Variants in TNC observed in about 807,000 individuals in gnomAD.
The protein encoded by TNC is tenascin.
Under a neutral mutation model 202.4 loss-of-function variants are expected in TNC, and 109 were observed. The observed-to-expected ratio is 0.54, with a 90% confidence interval of 0.46 to 0.63. TNC has a LOEUF of 0.63. TNC is among the 30% of genes least tolerant of loss of function. The pLI is 0.00. For missense variants in TNC, 2,756 were observed against 2,833.3 expected, an observed-to-expected ratio of 0.97 and a Z score of 0.62; for synonymous variants, 1,007 against 1,089.7, an observed-to-expected ratio of 0.92 and a Z score of 1.50.
At chr9:115,084,507 A>G (rs2133393831) in intron 3 of TNC, 35 bp from the exon 4 acceptor site, 1 of 1,603,072 alleles carries the variant, frequency 6.2e-7, no homozygotes, top group South Asian at 1.1e-5. Context: ...TGGTGTCAAC[A>G]GTGTGTCCTC....
intron 17 of TNC, among the ~76,000 whole-genome samples, chr9:115,044,491 C>T (rs1047786939): frequency 5.3e-5 from 8 of 151,236 alleles, no homozygotes; most frequent in Non-Finnish European, 1.2e-4. Flanking sequence ...AAAGAGAGGG[C>T]TTTCCAAAAG....
intron 1 of TNC, among the ~76,000 whole-genome samples, chr9:115,111,733 G>T (rs1837087506): frequency 6.6e-6 from 1 of 152,026 alleles, no homozygotes; most frequent in Admixed American, 6.6e-5. Flanking sequence ...CATTGGCTTT[G>T]TTAATGTAAA....
At chr9:115,074,507 C>A (rs950945820) in intron 9 of TNC, among the ~76,000 whole-genome samples, 1 of 152,178 alleles carries the variant, frequency 6.6e-6, no homozygotes, top group Non-Finnish European at 1.5e-5. Context: ...AAATAAATTT[C>A]TTCTGTTTAT....
chr9:115,026,208 G>A (rs955121938), intron 26 of TNC, among the ~76,000 whole-genome samples: 4 of 152,144 alleles, frequency 2.6e-5, no homozygotes, highest in Non-Finnish European at 4.4e-5. Context: ...TGAATATTAA[G>A]GCCTTTGGGG....
chr9:115,049,590 AG>A (rs1281002945), intron 15 of TNC, among the ~76,000 whole-genome samples: 1 of 152,114 alleles, frequency 6.6e-6, no homozygotes, highest in East Asian at 1.9e-4. Flanking sequence ...CTGAGGGATA[AG>A]GAGGATTAGT....
chr9:115,027,679 T>C (rs1278569035), intron 25 of TNC, among the ~76,000 whole-genome samples: 2 of 152,196 alleles, frequency 1.3e-5, no homozygotes, highest in African/African-American at 2.4e-5. Flanking sequence ...TATTATAATA[T>C]GATAAACATT....
chr9:115,064,015 G>A lies in TNC; in HGVS notation c.3541C>T (p.Leu1181Phe). The A allele has an allele frequency of 6.2e-7, 1 of 1,613,796 alleles. No homozygotes were observed. Among genetic ancestry groups the A allele is most frequent in the Non-Finnish European group, 8.5e-7 (1 of 1,179,854 alleles). The change falls in exon 12 of 28, where the codon CTC becomes TTC. Residue 1181 changes from leucine to phenylalanine, a missense_variant. This residue lies in a region of TNC where 2,559 missense variants were observed against 2,546.0 expected (regional missense o/e 1.01). Coordinates refer to ENST00000350763, the MANE Select transcript of TNC (RefSeq NM_002160.4). The part of the protein sequence containing the change: ...VVVAEVGWDA[L>F]KLNWTAPEGA... ...TCTGGAGCAGTCCAGTTGAGTTTGA[G>A]GGCATCCCAGCCCACCTCGGCCACC... is the stretch of plus-strand genomic sequence containing the variant.
intron 15 of TNC, chr9:115,052,679 T>C: frequency 3.1e-6 from 2 of 642,880 alleles, no homozygotes; most frequent in Non-Finnish European, 5.7e-6. Flanking sequence ...GAATTTTCCT[T>C]TAAGATGACT....
At chr9:115,098,879 A>T (rs1413602326) in intron 1 of TNC, among the ~76,000 whole-genome samples, 1 of 151,394 alleles carries the variant, frequency 6.6e-6, no homozygotes, top group Non-Finnish European at 1.5e-5. Context: ...AACATCCATA[A>T]ATTCCTTTTT....
At chr9:115,087,439 C>A (rs143179489) in intron 2 of TNC, among the ~76,000 whole-genome samples, 166 bp from the exon 3 acceptor site, 177 of 152,044 alleles carry the variant, frequency 1.2e-3, no homozygotes, top group African/African-American at 4.1e-3. Flanking sequence ...ATGAGACTCA[C>A]ATCCTGTTAT....
chr9:115,104,596 C>T (rs751576106), intron 1 of TNC, among the ~76,000 whole-genome samples: 18 of 152,132 alleles, frequency 1.2e-4, no homozygotes, highest in Non-Finnish European at 2.5e-4. Flanking sequence ...AAAATCTCTC[C>T]AGGGTTGTTT....
chr9:115,024,891 C>T (rs1303318474), intron 26 of TNC, among the ~76,000 whole-genome samples: 1 of 152,148 alleles, frequency 6.6e-6, no homozygotes, highest in Non-Finnish European at 1.5e-5. Flanking sequence ...ACTCCCAATC[C>T]AGACAAGTGC....
At chr9:115,032,332 G>A (rs1057233890) in intron 22 of TNC, among the ~76,000 whole-genome samples, 1 of 152,284 alleles carries the variant, frequency 6.6e-6, no homozygotes, top group Middle Eastern at 3.4e-3. Flanking sequence ...GGAGTGAGGA[G>A]CCCTGTAAGG....
chr9:115,063,946 T>G lies in TNC; in HGVS notation c.3610A>C (p.Thr1204Pro), dbSNP rs1224203966. Reference protein sequence around the residue: ...YFFIQVQEADTVEAAQNLTVP... With the variant: ...YFFIQVQEADPVEAAQNLTVP... ...GTGAGGTTCTGGGCTGCCTCTACTGTGTCAGCCTCCTGCACCTGAATGAAA... is the reference window on the plus strand; with the variant it reads ...GTGAGGTTCTGGGCTGCCTCTACTGGGTCAGCCTCCTGCACCTGAATGAAA... The change falls in exon 12 of 28, where the codon ACA becomes CCA. Residue 1204 changes from threonine (T) to proline (P), a missense_variant. Around this residue, in one of 2 missense-constraint regions of TNC, gnomAD observed 2,559 missense variants for 2,546.0 expected, o/e 1.01. Transcript: ENST00000350763. The G allele has an allele frequency of 6.2e-7, 1 of 1,614,114 alleles. No individual in the cohort carries two copies. The highest frequency in any genetic ancestry group is 8.5e-7 in the Non-Finnish European group (1 of 1,180,002).
intron 3 of TNC, among the ~76,000 whole-genome samples, chr9:115,084,961 G>T (rs1266067054): frequency 2.0e-5 from 3 of 152,106 alleles, no homozygotes; most frequent in Non-Finnish European, 4.4e-5. Flanking sequence ...TGCCAGCCTG[G>T]TGTTCTTTCC....
In TNC at chr9:115,086,560, G is replaced by A. The variant is rs45481099; in HGVS notation, c.1171C>T (p.Arg391Trp). 200 of 1,613,290 alleles carry A rather than the reference G, an allele frequency of 1.2e-4. No individual in the cohort carries two copies. The highest frequency in any genetic ancestry group is 4.7e-4 in the East Asian group (21 of 44,812). Residue 391 changes from arginine (R) to tryptophan (W), a missense_variant, in exon 3 of 28, where the codon CGG (arginine) becomes TGG (tryptophan). Arg to Trp is a moderately radical substitution (Grantham distance 101). Coordinates refer to ENST00000350763, the MANE Select transcript of TNC (RefSeq NM_002160.4). ...CHNRGRCVDG[R>W]CECDDGFTGA... ...GTGAAACCATCATCACACTCACACC[G>A]CCCGTCTACACAGCGGCCACGATTG... is the stretch of plus-strand genomic sequence containing the variant.
intron 19 of TNC, among the ~76,000 whole-genome samples, chr9:115,039,105 C>T (rs747731633): frequency 2.6e-5 from 4 of 152,024 alleles, no homozygotes; most frequent in Non-Finnish European, 2.9e-5. Context: ...GCTGGGATTA[C>T]AGGCGTGAGT....
At chr9:115,100,293 G>A (rs1340419406) in intron 1 of TNC, among the ~76,000 whole-genome samples, 2 of 152,202 alleles carry the variant, frequency 1.3e-5, no homozygotes, top group Non-Finnish European at 2.9e-5. Flanking sequence ...GGCATGGCAA[G>A]TCTGTGGCAC....
intron 15 of TNC, among the ~76,000 whole-genome samples, chr9:115,056,367 C>T (rs543094028): frequency 2.0e-4 from 31 of 152,158 alleles, no homozygotes; most frequent in Non-Finnish European, 4.4e-5. Flanking sequence ...AAGGGGGGCT[C>T]CCCTTTCTAA....
Sources: allele counts gnomAD v4.1 joint callset (sites outside exome capture counted in the v4.1 genomes callset), GRCh38; gene constraint gnomAD v4.1.1; regional missense constraint gnomAD v4.1.1; transcripts MANE v1.5; gene names NCBI Gene and HGNC (gene_info 2026-07-23, HGNC 2026-07-21).